Variants in CACNB1 observed in about 807,000 individuals in gnomAD.
The protein encoded by CACNB1 is voltage-dependent L-type calcium channel subunit beta-1.
In CACNB1, 29 loss-of-function variants were observed where a neutral mutation model predicts 71.6. The observed-to-expected ratio is 0.40, with a 90% CI of 0.30 to 0.55. The LOEUF is 0.55. Among genes scored for constraint, CACNB1 ranks in the 20% least tolerant of loss-of-function variants. CACNB1 has a pLI of 0.38. For missense variants in CACNB1, 623 were observed against 801.8 expected (o/e 0.78, Z 2.69); for synonymous variants, 300 against 319.6 (o/e 0.94, Z 0.65).
chr17:39,185,267 G>T, intron 6 of CACNB1, 117 bp from the exon 7 acceptor site: 1 of 805,338 alleles, frequency 1.2e-6, no homozygotes. Flanking sequence ...CCGGGCAGAC[G>T]AGGAGAGATA....
intron 12 of CACNB1, 94 bp downstream of exon 12, chr17:39,177,890 T>C: frequency 1.0e-6 from 1 of 999,850 alleles, no homozygotes; most frequent in Non-Finnish European, 1.6e-6. Context: ...GACCCAGGTG[T>C]TCCTGGTCAC....
intron 11 of CACNB1, among the ~76,000 whole-genome samples, chr17:39,181,314 GA>G (rs1567795959): frequency 6.6e-6 from 1 of 151,812 alleles, no homozygotes; most frequent in Non-Finnish European, 1.5e-5. Context: ...GGCTGGTCTT[GA>G]ACTCTTTAGC....
Position 39,186,128 on chromosome 17 carries a change from G to C in CACNB1, c.628+368C>G. 6.2e-7 allele frequency: 1 copy of C among 1,607,848 alleles called. No homozygotes were observed. The highest frequency in any genetic ancestry group is 1.7e-5 in the Admixed American group (1 of 59,738). On this transcript the variant is annotated intron_variant, in intron 6 of 13. Transcript: ENST00000394303. The surrounding 1 kb of genome is among the most constrained non-coding windows in gnomAD (Gnocchi z 4.1). ...ACCTGGACCGGAGAGTCAGGAGAGA[G>C]GGAGGAGGGAGGCGAGGTGGGGAGA...
chr17:39,176,803 G>A (rs2045589462), intron 13 of CACNB1, among the ~76,000 whole-genome samples: 1 of 152,124 alleles, frequency 6.6e-6, no homozygotes, highest in Admixed American at 6.5e-5. Context: ...CTGGGAGAAT[G>A]GTGGAAGGTT....
chr17:39,185,805 G>C, intron 6 of CACNB1: 1 of 823,042 alleles, frequency 1.2e-6, no homozygotes, highest in Non-Finnish European at 1.9e-6. Context: ...ATGTGCCCAT[G>C]CTACCCTTCC....
intron 11 of CACNB1, among the ~76,000 whole-genome samples, chr17:39,179,065 G>T (rs555628059): frequency 6.6e-6 from 1 of 152,004 alleles, no homozygotes; most frequent in Admixed American, 6.6e-5. Context: ...AGGCCAAGGC[G>T]GGCAGATCTT....
intron 11 of CACNB1, chr17:39,182,919 A>G (rs922904777): frequency 7.2e-6 from 7 of 972,886 alleles, no homozygotes; most frequent in African/African-American, 1.8e-5. Context: ...ACGTAAACCA[A>G]TCAGAGCTTG....
intron 12 of CACNB1, 67 bp downstream of exon 12, chr17:39,177,917 G>T: frequency 7.9e-7 from 1 of 1,269,922 alleles, no homozygotes; most frequent in South Asian, 1.2e-5. Flanking sequence ...TCTCATGTAG[G>T]CCAGAGGAAA....
In CACNB1 at chr17:39,175,021, C is replaced by T. The variant is rs1262638053; in HGVS notation, c.*172G>A. Reference sequence around the variant, plus strand: ...AAAACCGACAGCTGGGGCTTAAGGGCCTCCCGGGAGCTGGGATGGTAACAC... The same window carrying T: ...AAAACCGACAGCTGGGGCTTAAGGGTCTCCCGGGAGCTGGGATGGTAACAC... On this transcript the variant is annotated 3_prime_UTR_variant, in exon 14 of 14. Coordinates refer to ENST00000394303, the MANE Select transcript of CACNB1 (RefSeq NM_000723.5). The surrounding 1 kb of genome is among the most constrained non-coding windows in gnomAD (Gnocchi z 4.7). 12 of 621,762 alleles carry T rather than the reference C, an allele frequency of 1.9e-5. No individual in the cohort carries two copies. The highest frequency in any genetic ancestry group is 3.4e-5 in the Non-Finnish European group (12 of 357,876). The allele number at this position is 621,762 out of a possible 1,614,324, so 38.5% of individuals were successfully genotyped here.
At chr17:39,190,386 GA>G (rs1310268580) in intron 3 of CACNB1, among the ~76,000 whole-genome samples, 1 of 152,118 alleles carries the variant, frequency 6.6e-6, no homozygotes, top group Non-Finnish European at 1.5e-5. Context: ...GAGTGACAGA[GA>G]GAGACCCTGT....
At position 39,187,608 on chromosome 17, in the gene CACNB1, G is replaced by C. The variant is rs754297017; in HGVS notation, c.292-7C>G. 1.2e-6 allele frequency: 2 copies of C among 1,614,060 alleles called. No homozygotes were observed. The highest frequency in any genetic ancestry group is 3.3e-5 in the Admixed American group (2 of 59,996). ...CAAATGCCACTGGCTTGGTCTAGAGGAGGCACACAGGGGAGGATGGCAACT... is the reference window on the plus strand; with the variant it reads ...CAAATGCCACTGGCTTGGTCTAGAGCAGGCACACAGGGGAGGATGGCAACT... On this transcript the variant is annotated splice_polypyrimidine_tract_variant and splice_region_variant and intron_variant, in intron 3 of 13. Transcript: ENST00000394303.
At chr17:39,182,925 G>A (rs1487991607) in intron 11 of CACNB1, 1 of 978,130 alleles carries the variant, frequency 1.0e-6, no homozygotes. Flanking sequence ...ACCAATCAGA[G>A]CTTGAATTTC....
intron 11 of CACNB1, among the ~76,000 whole-genome samples, chr17:39,181,319 C>T (rs569907702): frequency 6.6e-6 from 1 of 152,156 alleles, no homozygotes; most frequent in Non-Finnish European, 1.5e-5. Context: ...GTCTTGAACT[C>T]TTTAGCTCAG....
chr17:39,185,326 AC>A (rs2045907776), intron 6 of CACNB1, among the ~76,000 whole-genome samples, 176 bp from the exon 7 acceptor site: 2 of 152,092 alleles, frequency 1.3e-5, no homozygotes, highest in African/African-American at 4.8e-5. Context: ...GGGGAACGGG[AC>A]CCCACGCCAA....
At chr17:39,193,507 G>A in intron 2 of CACNB1, 1 of 445,956 alleles carries the variant, frequency 2.2e-6, no homozygotes, top group African/African-American at 2.0e-5. Flanking sequence ...TGGCCCTGCT[G>A]GCCTAGGGGG....
chr17:39,175,941 C>T lies in CACNB1; in HGVS notation c.1333-284G>A, dbSNP rs79233596. On this transcript the variant is annotated intron_variant, in intron 13 of 13. Coordinates refer to ENST00000394303, the MANE Select transcript of CACNB1 (RefSeq NM_000723.5). The surrounding 1 kb of genome is among the most constrained non-coding windows in gnomAD (Gnocchi z 4.7). ...TGGCCAACAGCCGTGAGCCATGAGT[C>T]ACCGCTTCCTCAGTGCAGGTCATTA... Among the ~76,000 whole-genome samples the T allele has an allele frequency of 0.013, 2,008 of 152,286 alleles. 37 individuals carry two copies. The highest frequency in any genetic ancestry group is 0.046 in the African/African-American group (1,920 of 41,532).
Position 39,186,314 on chromosome 17 carries a change from A to G in CACNB1, c.628+182T>C. 1 of 635,032 alleles carries G rather than the reference A, an allele frequency of 1.6e-6. No individual in the cohort carries two copies. Among genetic ancestry groups the G allele is most frequent in the Non-Finnish European group, 2.8e-6 (1 of 361,924 alleles). The allele number at this position is 635,032 out of a possible 1,614,324, so 39.3% of individuals were successfully genotyped here. A position where few individuals can be genotyped will look rare whatever the true frequency, so the allele number is the denominator to read the frequency against. On this transcript the variant is annotated intron_variant, in intron 6 of 13. Coordinates refer to ENST00000394303, the MANE Select transcript of CACNB1 (RefSeq NM_000723.5). This position sits in a 1 kb window ranked among gnomAD's most constrained non-coding sequence, Gnocchi z 4.1. ...GGAGCTACCAAAGAAAAGGGAGAGG[A>G]GAGACATGACAGGCCCAGCTTGAGG...
At chr17:39,177,872 A>AGTG in intron 12 of CACNB1, 112 bp downstream of exon 12, 2 of 863,198 alleles carry the variant, frequency 2.3e-6, no homozygotes, top group Non-Finnish European at 3.9e-6. Context: ...GTCTGCACCC[A>AGTG]CAGGCCTGAC....
In CACNB1 at chr17:39,194,845, C is replaced by G. The variant is rs768861692; in HGVS notation, c.171+39G>C. 5 of 1,435,948 alleles carry G rather than the reference C, an allele frequency of 3.5e-6. No individual in the cohort carries two copies. In the East Asian group the frequency reaches 1.1e-4, roughly 33 times the overall value. The allele number at this position is 1,435,948 out of a possible 1,614,324, so 89.0% of individuals were successfully genotyped here. A position where few individuals can be genotyped will look rare whatever the true frequency, so the allele number is the denominator to read the frequency against. On this transcript the variant is annotated intron_variant, in intron 2 of 13. Transcript: ENST00000394303. The surrounding 1 kb of genome is among the most constrained non-coding windows in gnomAD (Gnocchi z 4.6). ...GCTCACCAATGCTGGTCTCCACCAA[C>G]CAGCCACCTCCCTCCTCTCCGCCCA...
Sources: allele counts gnomAD v4.1 joint callset (sites outside exome capture counted in the v4.1 genomes callset), GRCh38; gene constraint gnomAD v4.1.1; non-coding constraint Gnocchi (gnomAD v3.1); transcripts MANE v1.5; gene names NCBI Gene and HGNC (gene_info 2026-07-23, HGNC 2026-07-21).